Variants in MAGI2 observed in about 807,000 individuals in gnomAD.
MAGI2 encodes the protein membrane associated guanylate kinase, WW and PDZ domain containing 2.
Under a neutral mutation model 133.3 loss-of-function variants are expected in MAGI2, and 35 were observed. The observed-to-expected ratio is 0.26, with a 90% CI of 0.20 to 0.35. The LOEUF is 0.35. MAGI2 is among the 10% of genes least tolerant of loss of function. The pLI, the probability that MAGI2 is intolerant of heterozygous loss-of-function variation, is 1.00. For missense variants in MAGI2, 1,636 were observed against 1,863.4 expected (o/e 0.88, Z 2.25); for synonymous variants, 729 against 710.6 (o/e 1.03, Z -0.41).
intron 2 of MAGI2, among the ~76,000 whole-genome samples, chr7:78,755,173 C>T (rs188253723): frequency 1.8e-4 from 28 of 152,086 alleles, no homozygotes; most frequent in South Asian, 1.0e-3. Context: ...TTTATCAGAA[C>T]GGGAGAGACA....
chr7:78,060,524 G>T (rs1813130872), intron 21 of MAGI2, among the ~76,000 whole-genome samples: 1 of 152,190 alleles, frequency 6.6e-6, no homozygotes, highest in South Asian at 2.1e-4. Context: ...GGAAGTATGT[G>T]GACACTGATA....
At chr7:79,335,746 C>A (rs1315409286) in intron 1 of MAGI2, among the ~76,000 whole-genome samples, 1 of 151,882 alleles carries the variant, frequency 6.6e-6, no homozygotes, top group Non-Finnish European at 1.5e-5. Context: ...GAGCTAAAAG[C>A]TATTGAGAAT....
intron 2 of MAGI2, among the ~76,000 whole-genome samples, chr7:78,768,000 G>A (rs983994045): frequency 5.3e-5 from 8 of 152,118 alleles, no homozygotes; most frequent in African/African-American, 1.9e-4. Flanking sequence ...TCTGAGCTGT[G>A]AACTATTTTC....
chr7:78,474,885 A>G (rs1193708117), intron 6 of MAGI2, among the ~76,000 whole-genome samples: 1 of 151,826 alleles, frequency 6.6e-6, no homozygotes, highest in Non-Finnish European at 1.5e-5. Flanking sequence ...TCAAAGGAGA[A>G]TACTCTAATG....
intron 2 of MAGI2, among the ~76,000 whole-genome samples, chr7:78,958,463 T>C (rs527689477): frequency 2.1e-4 from 32 of 152,236 alleles, no homozygotes; most frequent in African/African-American, 7.5e-4. Context: ...ATTTGTAGAG[T>C]TTGTTATGAG....
At chr7:78,030,105 A>G (rs1365796141) in intron 21 of MAGI2, among the ~76,000 whole-genome samples, 1 of 152,140 alleles carries the variant, frequency 6.6e-6, no homozygotes, top group Non-Finnish European at 1.5e-5. Flanking sequence ...CTTGGTGTGA[A>G]CTTGGGAAGT....
intron 1 of MAGI2, among the ~76,000 whole-genome samples, chr7:79,445,993 A>T (rs919819676): frequency 1.3e-5 from 2 of 152,250 alleles, no homozygotes; most frequent in African/African-American, 2.4e-5. Flanking sequence ...GCCACAAAAA[A>T]GGATGAGTTC....
intron 9 of MAGI2, among the ~76,000 whole-genome samples, chr7:78,279,301 TTTGTC>T (rs1795331909): frequency 6.6e-6 from 1 of 152,078 alleles, no homozygotes; most frequent in African/African-American, 2.4e-5. Flanking sequence ...TCCAAAAACA[TTTGTC>T]TAGGGGAAGG....
At chr7:78,034,381 T>C (rs1809939593) in intron 21 of MAGI2, among the ~76,000 whole-genome samples, 1 of 152,160 alleles carries the variant, frequency 6.6e-6, no homozygotes, top group Admixed American at 6.5e-5. Flanking sequence ...AACTAGCTGA[T>C]CATAATTTTA....
chr7:78,744,681 T>C (rs1822760269), intron 2 of MAGI2, among the ~76,000 whole-genome samples: 1 of 152,212 alleles, frequency 6.6e-6, no homozygotes, highest in Non-Finnish European at 1.5e-5. Flanking sequence ...GGTAAATTTT[T>C]ATTTTAAGTA....
At chr7:78,645,386 A>T (rs1357235578) in intron 2 of MAGI2, among the ~76,000 whole-genome samples, 1 of 152,200 alleles carries the variant, frequency 6.6e-6, no homozygotes, top group East Asian at 1.9e-4. Context: ...ATTCCTCATG[A>T]ACATACATAC....
chr7:79,018,522 G>A (rs766021343), intron 1 of MAGI2, among the ~76,000 whole-genome samples: 2 of 152,124 alleles, frequency 1.3e-5, no homozygotes, highest in Non-Finnish European at 1.5e-5. Flanking sequence ...ACAACCTGAT[G>A]ACAGGATCAA....
At chr7:78,479,804 C>G (rs1792171552) in intron 6 of MAGI2, among the ~76,000 whole-genome samples, 1 of 151,778 alleles carries the variant, frequency 6.6e-6, no homozygotes, top group African/African-American at 2.4e-5. Context: ...AATCAAGTAT[C>G]AAATTTATCT....
chr7:78,817,750 C>G (rs1483050574), intron 2 of MAGI2, among the ~76,000 whole-genome samples: 1 of 151,334 alleles, frequency 6.6e-6, no homozygotes, highest in African/African-American at 2.4e-5. Flanking sequence ...TATTCTGTAG[C>G]CCAGGTTGGA....
At chr7:78,742,255 G>A (rs1585258985) in intron 2 of MAGI2, among the ~76,000 whole-genome samples, 2 of 152,050 alleles carry the variant, frequency 1.3e-5, no homozygotes, top group East Asian at 1.9e-4. Context: ...GCCTAAAAAG[G>A]TTACCAATCT....
At chr7:79,322,054 T>G (rs1046020414) in intron 1 of MAGI2, among the ~76,000 whole-genome samples, 3 of 152,130 alleles carry the variant, frequency 2.0e-5, no homozygotes, top group African/African-American at 7.2e-5. Flanking sequence ...CCTATTTTAG[T>G]TCATAGTCAT....
intron 16 of MAGI2, among the ~76,000 whole-genome samples, chr7:78,141,816 T>C (rs1363487744): frequency 6.6e-6 from 1 of 152,158 alleles, no homozygotes; most frequent in Non-Finnish European, 1.5e-5. Flanking sequence ...GGCTCATCAC[T>C]GGCAATTTGG....
intron 6 of MAGI2, among the ~76,000 whole-genome samples, chr7:78,470,606 G>C (rs1373791062): frequency 1.3e-5 from 2 of 151,964 alleles, no homozygotes; most frequent in Non-Finnish European, 2.9e-5. Context: ...GGCATGCAGT[G>C]ATCAAAAAAC....
chr7:78,317,095 G>A (rs62463918), intron 9 of MAGI2, among the ~76,000 whole-genome samples: 6,962 of 152,192 alleles, frequency 0.046, 226 homozygotes, highest in South Asian at 0.12. Flanking sequence ...ATTGAATAGC[G>A]CTGCATAAAA....
Sources: allele counts gnomAD v4.1 joint callset (sites outside exome capture counted in the v4.1 genomes callset), GRCh38; gene constraint gnomAD v4.1.1; transcripts MANE v1.5; gene names NCBI Gene and HGNC (gene_info 2026-07-23, HGNC 2026-07-21).